The following PDCD6IP variants were observed in gnomAD, a reference collection of about 807,000 sequenced individuals.
PDCD6IP encodes the protein programmed cell death 6-interacting protein.
A neutral mutation model predicts 103.7 loss-of-function variants in PDCD6IP; 43 were observed. That is an observed-to-expected ratio of 0.41 (90% CI 0.32 to 0.53). PDCD6IP has a LOEUF of 0.53. PDCD6IP is among the 20% of genes least tolerant of loss of function. The pLI is 0.16. For missense variants in PDCD6IP, 871 were observed against 1,036.7 expected (o/e 0.84, Z 2.20); for synonymous variants, 354 against 378.7 (o/e 0.93, Z 0.76).
At chr3:33,819,025 T>G (rs1292342082) in intron 3 of PDCD6IP, among the ~76,000 whole-genome samples, 1 of 152,144 alleles carries the variant, frequency 6.6e-6, no homozygotes, top group Non-Finnish European at 1.5e-5. Context: ...CACTTATATC[T>G]CCCTTAAGCT....
chr3:33,832,566 T>C (rs547316550), intron 7 of PDCD6IP, among the ~76,000 whole-genome samples: 1 of 152,194 alleles, frequency 6.6e-6, no homozygotes, highest in Non-Finnish European at 1.5e-5. Flanking sequence ...AAAGTCTTCT[T>C]CCAAATGGCT....
chr3:33,808,417 A>T (rs777978727), intron 1 of PDCD6IP, among the ~76,000 whole-genome samples: 7 of 151,816 alleles, frequency 4.6e-5, no homozygotes, highest in Non-Finnish European at 7.4e-5. Context: ...CCTTTGGGGG[A>T]CTGTAGGCCC....
At chr3:33,835,075 T>A (rs1345893463) in intron 7 of PDCD6IP, among the ~76,000 whole-genome samples, 2 of 152,220 alleles carry the variant, frequency 1.3e-5, no homozygotes, top group Non-Finnish European at 2.9e-5. Context: ...TATTAAAAGA[T>A]TATGTATTAT....
At position 33,842,052 on chromosome 3, in the gene PDCD6IP, G is replaced by A. The variant is rs772750136; in HGVS notation, c.1337G>A (p.Arg446Gln). 6 of 1,611,836 alleles carry A rather than the reference G, an allele frequency of 3.7e-6. No individual in the cohort carries two copies. The highest frequency in any genetic ancestry group is 2.2e-5 in the East Asian group (1 of 44,854). Residue 446 changes from arginine to glutamine, a missense_variant, in exon 10 of 18, where the codon CGA becomes CAA. Arg to Gln is a conservative substitution (Grantham distance 43). Around this residue, in one of 5 missense-constraint regions of PDCD6IP, gnomAD observed 266 missense variants for 390.5 expected, o/e 0.68. Transcript: ENST00000307296. ...AAAGAACTGCCTGAATTACTGCAAC[G>A]AAATAGAGAAATCCTAGATGAGGTA... ...LIKELPELLQ[R>Q]NREILDESLR...
At chr3:33,857,658 C>T (rs1253755961) in intron 15 of PDCD6IP, among the ~76,000 whole-genome samples, 7 of 152,004 alleles carry the variant, frequency 4.6e-5, no homozygotes, top group African/African-American at 1.7e-4. Context: ...TTTCAGTATT[C>T]AGTATTTTCA....
At chr3:33,845,168 T>C (rs1050390904) in intron 11 of PDCD6IP, among the ~76,000 whole-genome samples, 3 of 152,236 alleles carry the variant, frequency 2.0e-5, no homozygotes, top group African/African-American at 7.2e-5. Context: ...AATTAACTTT[T>C]ATTTGGCAGA....
chr3:33,810,839 C>T (rs1696700229), intron 1 of PDCD6IP, among the ~76,000 whole-genome samples: 1 of 151,682 alleles, frequency 6.6e-6, no homozygotes, highest in African/African-American at 2.4e-5. Flanking sequence ...TTGATATCTC[C>T]AGTTCCAGTT....
In PDCD6IP at chr3:33,836,232, C is replaced by T; in HGVS notation, c.1023C>T (p.Thr341=). 1.2e-6 allele frequency: 2 copies of T among 1,611,444 alleles called. No homozygotes were observed. Among genetic ancestry groups the T allele is most frequent in the Non-Finnish European group, 1.7e-6 (2 of 1,177,662 alleles). ...PIGKATLVKS[T]PVNVPISQKF... ...GCAAAGCCACACTTGTGAAATCTAC[C>T]CCGGTCAATGTACCCATCAGTCAGA... Residue 341 remains threonine (T), a synonymous_variant, in exon 8 of 18, where the codon ACC becomes ACT. Coordinates refer to ENST00000307296, the MANE Select transcript of PDCD6IP (RefSeq NM_013374.6).
At chr3:33,808,878 T>A (rs528608145) in intron 1 of PDCD6IP, among the ~76,000 whole-genome samples, 1 of 152,340 alleles carries the variant, frequency 6.6e-6, no homozygotes, top group East Asian at 1.9e-4. Context: ...ATTTTCTCCC[T>A]TGCTCACTCT....
At chr3:33,845,685 T>TA in intron 12 of PDCD6IP, 97 bp downstream of exon 12, 4 of 905,274 alleles carry the variant, frequency 4.4e-6, no homozygotes, top group African/African-American at 1.7e-5. Context: ...TTGTCAACTT[T>TA]AAAAAAATGC....
intron 15 of PDCD6IP, among the ~76,000 whole-genome samples, chr3:33,859,833 C>T (rs1402640632): frequency 6.6e-6 from 1 of 152,114 alleles, no homozygotes; most frequent in Non-Finnish European, 1.5e-5. Flanking sequence ...GGAGTCTATT[C>T]TGAGGATATA....
chr3:33,830,539 A>G (rs1559784050), intron 7 of PDCD6IP, among the ~76,000 whole-genome samples: 1 of 152,162 alleles, frequency 6.6e-6, no homozygotes, highest in Non-Finnish European at 1.5e-5. Context: ...TTATAGACAC[A>G]TAGATTTTGC....
rs764518342 is a variant in PDCD6IP at position 33,866,514 on chromosome 3, C to T, written c.2596C>T (p.Pro866Ser). 1.9e-6 allele frequency: 3 copies of T among 1,603,682 alleles called. No individual in the cohort carries two copies. The highest frequency in any genetic ancestry group is 2.5e-6 in the Non-Finnish European group (3 of 1,176,842). Residue 866 changes from proline to serine, a missense_variant, in exon 18 of 18, where the codon CCA (proline) becomes TCA (serine). Pro to Ser is a moderately conservative substitution (Grantham distance 74, BLOSUM62 -1). Transcript: ENST00000307296. Reference sequence around the variant, plus strand: ...TCAGCCCCCACAGCAGTCTTACTATCCACAGCAGTAATATGTCTGCTCAGC... The same window carrying T: ...TCAGCCCCCACAGCAGTCTTACTATTCACAGCAGTAATATGTCTGCTCAGC... ...FPQPPQQSYY[P>S]QQ
At position 33,866,457 on chromosome 3, in the gene PDCD6IP, C is replaced by G; in HGVS notation, c.2539C>G (p.Pro847Ala). Residue 847 changes from proline (P) to alanine (A), a missense_variant, in exon 18 of 18, where the codon CCG (proline) becomes GCG (alanine). Transcript: ENST00000307296. ...YHQSPGQAPYPGPQQPSYPFP... is the reference protein window; with the variant it reads ...YHQSPGQAPYAGPQQPSYPFP... Reference sequence around the variant, plus strand: ...CCAGAGTCCTGGACAGGCTCCATACCCGGGACCCCAGCAGCCTTCATACCC... The same window carrying G: ...CCAGAGTCCTGGACAGGCTCCATACGCGGGACCCCAGCAGCCTTCATACCC... 6.2e-7 allele frequency: 1 copy of G among 1,612,042 alleles called. No homozygotes were observed. The highest frequency in any genetic ancestry group is 8.5e-7 in the Non-Finnish European group (1 of 1,179,292).
At chr3:33,813,464 T>G in intron 2 of PDCD6IP, 95 bp from the exon 3 acceptor site, 1 of 763,800 alleles carries the variant, frequency 1.3e-6, no homozygotes, top group Non-Finnish European at 2.2e-6. Context: ...GCTTTTGTCC[T>G]TTTTTTCATG....
Position 33,826,518 on chromosome 3 carries a change from C to G in PDCD6IP, c.655C>G (p.Gln219Glu), listed in dbSNP as rs781353506. Residue 219 changes from glutamine to glutamate, a missense_variant, in exon 6 of 18, where the codon CAG becomes GAG. Coordinates refer to ENST00000307296, the MANE Select transcript of PDCD6IP (RefSeq NM_013374.6). ...KDAIIAKLAN[Q>E]AADYFGDAFK... ...TGCCATCATAGCTAAATTGGCTAATCAGGCTGCAGATTATTTTGGTGATGC... is the reference window on the plus strand; with the variant it reads ...TGCCATCATAGCTAAATTGGCTAATGAGGCTGCAGATTATTTTGGTGATGC... The G allele has an allele frequency of 1.7e-5, 28 of 1,611,730 alleles. No individual in the cohort carries two copies. The highest frequency in any genetic ancestry group is 2.4e-5 in the Non-Finnish European group (28 of 1,178,786).
chr3:33,817,114 A>G (rs1282943252), intron 3 of PDCD6IP, among the ~76,000 whole-genome samples: 1 of 152,222 alleles, frequency 6.6e-6, no homozygotes, highest in African/African-American at 2.4e-5. Flanking sequence ...GTAAAGTTAT[A>G]TCAATGGAAT....
At chr3:33,832,832 A>G (rs1426305127) in intron 7 of PDCD6IP, among the ~76,000 whole-genome samples, 3 of 151,870 alleles carry the variant, frequency 2.0e-5, no homozygotes, top group Non-Finnish European at 2.9e-5. Flanking sequence ...CTTGTTTCCT[A>G]AATTTTGTCA....
At chr3:33,857,651 C>T (rs949877356) in intron 15 of PDCD6IP, among the ~76,000 whole-genome samples, 8 of 152,064 alleles carry the variant, frequency 5.3e-5, no homozygotes, top group African/African-American at 1.7e-4. Flanking sequence ...ATTCCAGTTT[C>T]AGTATTCAGT....
Sources: gnomAD v4.1 joint callset for allele counts (sites outside exome capture counted in the v4.1 genomes callset) on GRCh38, gnomAD v4.1.1 for gene constraint, gnomAD v4.1.1 regional missense constraint, MANE v1.5 for transcripts, NCBI Gene and HGNC (gene_info 2026-07-23, HGNC 2026-07-21) for gene names.